Variants in NALF1 observed in about 807,000 individuals in gnomAD.
The protein encoded by NALF1 is NALCN channel auxiliary factor 1, also known as family with sequence similarity 155 member A.
Under a neutral mutation model 48.4 loss-of-function variants are expected in NALF1, and 3 were observed. That is an observed-to-expected ratio of 0.06 (90% CI 0.03 to 0.16). The LOEUF is 0.16. Ranked by LOEUF, NALF1 falls within the 10% of genes least tolerant of loss-of-function variation. NALF1 has a pLI of 1.00. For synonymous variants in NALF1, 262 were observed against 245.7 expected, an observed-to-expected ratio of 1.07 and a Z score of -0.62; for missense variants, 526 against 571.5, an observed-to-expected ratio of 0.92 and a Z score of 0.81.
intron 1 of NALF1, among the ~76,000 whole-genome samples, chr13:107,588,381 A>G (rs1473752982): frequency 1.3e-5 from 2 of 152,112 alleles, no homozygotes; most frequent in African/African-American, 4.8e-5. Flanking sequence ...GACTGTGACA[A>G]CTTGGATATC....
intron 1 of NALF1, among the ~76,000 whole-genome samples, chr13:107,537,430 T>C (rs1451914785): frequency 2.6e-5 from 4 of 152,154 alleles, no homozygotes; most frequent in Non-Finnish European, 5.9e-5. Flanking sequence ...CAATGAAGGA[T>C]ATGAATGGAA....
chr13:107,840,035 TA>T (rs1487514434), intron 1 of NALF1, among the ~76,000 whole-genome samples: 1 of 152,172 alleles, frequency 6.6e-6, no homozygotes, highest in African/African-American at 2.4e-5. Context: ...AAGATCTAAA[TA>T]TAAAAGAAAC....
intron 1 of NALF1, among the ~76,000 whole-genome samples, chr13:107,618,536 G>A (rs1172412278): frequency 6.6e-6 from 1 of 152,168 alleles, no homozygotes; most frequent in Admixed American, 6.5e-5. Flanking sequence ...TGAAAGACAG[G>A]AGACCACTTT....
intron 1 of NALF1, among the ~76,000 whole-genome samples, chr13:107,633,878 G>GTA (rs1226114517): frequency 1.4e-5 from 2 of 143,158 alleles, no homozygotes; most frequent in East Asian, 4.0e-4. Context: ...GTATGTGTGT[G>GTA]TGTATATATA....
chr13:107,298,728 CCACACATATGTTTCTTTATTTCACTGTTT>C (rs1362009788), intron 1 of NALF1, among the ~76,000 whole-genome samples: 2 of 152,258 alleles, frequency 1.3e-5, no homozygotes, highest in African/African-American at 4.8e-5. Flanking sequence ...CTGCACCTGG[CCACACATATGTTTCTTTATTTCACTGTTT>C]CTTTTGAAAT....
chr13:107,722,712 A>G (rs2138528808), intron 1 of NALF1, among the ~76,000 whole-genome samples: 1 of 152,208 alleles, frequency 6.6e-6, no homozygotes, highest in Non-Finnish European at 1.5e-5. Context: ...GGGTCAGGGC[A>G]CCTCTCCACC....
At chr13:107,268,470 C>A in intron 1 of NALF1, among the ~76,000 whole-genome samples, 1 of 152,108 alleles carries the variant, frequency 6.6e-6, no homozygotes, top group Admixed American at 6.6e-5. Context: ...TCAGTAGAAA[C>A]ACGAATATGA....
chr13:107,288,808 C>T (rs1395114902), intron 1 of NALF1, among the ~76,000 whole-genome samples: 1 of 152,108 alleles, frequency 6.6e-6, no homozygotes, highest in East Asian at 1.9e-4. Flanking sequence ...GCTGGGATTA[C>T]AGGTGGGAGC....
intron 1 of NALF1, among the ~76,000 whole-genome samples, chr13:107,263,578 A>C (rs1301219611): frequency 2.0e-5 from 3 of 152,084 alleles, no homozygotes; most frequent in African/African-American, 7.2e-5. Context: ...GGTAGTGAAT[A>C]AGTCTCATGA....
intron 1 of NALF1, among the ~76,000 whole-genome samples, chr13:107,757,671 T>C (rs1037974664): frequency 6.6e-6 from 1 of 152,158 alleles, no homozygotes; most frequent in Non-Finnish European, 1.5e-5. Flanking sequence ...TCTCCTTGTG[T>C]AACTGATTAA....
chr13:107,378,186 T>C (rs1883372428), intron 1 of NALF1, among the ~76,000 whole-genome samples: 1 of 152,168 alleles, frequency 6.6e-6, no homozygotes, highest in Non-Finnish European at 1.5e-5. Flanking sequence ...TTCTGTATGA[T>C]GCTAGAGAGA....
chr13:107,273,951 C>A (rs980507237), intron 1 of NALF1, among the ~76,000 whole-genome samples: 18 of 152,100 alleles, frequency 1.2e-4, no homozygotes, highest in African/African-American at 4.1e-4. Flanking sequence ...TGCTCATGAG[C>A]TTCTGTAACA....
chr13:107,296,390 T>C (rs1181898862), intron 1 of NALF1, among the ~76,000 whole-genome samples: 2 of 152,170 alleles, frequency 1.3e-5, no homozygotes, highest in Non-Finnish European at 2.9e-5. Context: ...TGGGACTAAC[T>C]TTTTAAAGAA....
At chr13:107,173,864 C>G (rs975737021) in intron 2 of NALF1, among the ~76,000 whole-genome samples, 1 of 152,156 alleles carries the variant, frequency 6.6e-6, no homozygotes, top group African/African-American at 2.4e-5. Context: ...GGCTGTTGGA[C>G]CTTCAGAACT....
chr13:107,667,813 A>G (rs367966780), intron 1 of NALF1, among the ~76,000 whole-genome samples: 9 of 152,158 alleles, frequency 5.9e-5, no homozygotes, highest in African/African-American at 2.2e-4. Context: ...CAAAAGAGGC[A>G]CCTAATGAAA....
At chr13:107,351,928 A>G (rs549118834) in intron 1 of NALF1, among the ~76,000 whole-genome samples, 25 of 152,226 alleles carry the variant, frequency 1.6e-4, no homozygotes, top group Non-Finnish European at 3.2e-4. Context: ...AGGAGGGAAG[A>G]GTAAGATAGG....
intron 1 of NALF1, among the ~76,000 whole-genome samples, chr13:107,272,853 A>G (rs1881203860): frequency 6.6e-6 from 1 of 152,218 alleles, no homozygotes; most frequent in African/African-American, 2.4e-5. Flanking sequence ...GTTAAAACTA[A>G]GGAAAGTCGG....
intron 1 of NALF1, among the ~76,000 whole-genome samples, chr13:107,363,115 T>G (rs1189560125): frequency 6.6e-6 from 1 of 152,236 alleles, no homozygotes; most frequent in Non-Finnish European, 1.5e-5. Context: ...TCAAGAATTT[T>G]TATTTCATTT....
At chr13:107,285,601 G>A (rs1305491904) in intron 1 of NALF1, among the ~76,000 whole-genome samples, 2 of 152,098 alleles carry the variant, frequency 1.3e-5, no homozygotes, top group African/African-American at 2.4e-5. Context: ...ATAGGTAATA[G>A]ATACCATGGG....
Sources: allele counts gnomAD v4.1 joint callset (sites outside exome capture counted in the v4.1 genomes callset), GRCh38; gene constraint gnomAD v4.1.1; transcripts MANE v1.5; gene names NCBI Gene and HGNC (gene_info 2026-07-23, HGNC 2026-07-21).